The following GLIS3 variants were observed in gnomAD, a reference collection of about 807,000 sequenced individuals.
GLIS3 encodes the protein zinc finger protein GLIS3.
In GLIS3, 53 loss-of-function variants were observed where a neutral mutation model predicts 78.6. That is an observed-to-expected ratio of 0.67 (90% CI 0.54 to 0.85). The LOEUF (loss-of-function observed/expected upper bound fraction) is 0.85. Among genes scored for constraint, GLIS3 ranks in the 40% least tolerant of loss-of-function variants. GLIS3 has a pLI of 0.00. For missense variants in GLIS3, 1,703 were observed against 1,231.1 expected, an observed-to-expected ratio of 1.38 and a Z score of -5.74; for synonymous variants, 684 against 509.9, an observed-to-expected ratio of 1.34 and a Z score of -4.60.
At chr9:4,304,755 T>C (rs1213009339), upstream of GLIS3, among the ~76,000 whole-genome samples, 1 of 152,120 alleles carries the variant, frequency 6.6e-6, no homozygotes, top group African/African-American at 2.4e-5. Context: ...CTTTTCAGAC[T>C]CCTCCCCAAC....
chr9:4,446,563 G>C, the GLIS3 span, among the ~76,000 whole-genome samples: 3 of 142,148 alleles, frequency 2.1e-5, no homozygotes, highest in Non-Finnish European at 3.0e-5. Flanking sequence ...AGGCTTGAGT[G>C]CAGTGGCATG....
chr9:4,078,627 C>T (rs186936135), intron 4 of GLIS3, among the ~76,000 whole-genome samples: 218 of 152,286 alleles, frequency 1.4e-3, no homozygotes, highest in Non-Finnish European at 2.4e-3. Context: ...CAGGGTAAAG[C>T]GGTGGAGAAA....
chr9:3,921,555 G>A (rs1270299599), intron 6 of GLIS3, among the ~76,000 whole-genome samples: 1 of 152,124 alleles, frequency 6.6e-6, no homozygotes, highest in Non-Finnish European at 1.5e-5. Flanking sequence ...CAAAATAGTG[G>A]AATAATGAGT....
chr9:4,373,772 A>G, the GLIS3 span, among the ~76,000 whole-genome samples: 2 of 151,650 alleles, frequency 1.3e-5, no homozygotes. Context: ...GGTTCAAGCA[A>G]TTCTCCTGCC....
At chr9:4,074,115 A>G (rs972899550) in intron 4 of GLIS3, among the ~76,000 whole-genome samples, 5 of 152,154 alleles carry the variant, frequency 3.3e-5, no homozygotes, top group Non-Finnish European at 7.4e-5. Context: ...CCTCATCCCA[A>G]TGCAAGTCAC....
the GLIS3 span, among the ~76,000 whole-genome samples, chr9:4,403,932 C>T: frequency 6.6e-6 from 1 of 151,998 alleles, no homozygotes; most frequent in Non-Finnish European, 1.5e-5. Context: ...CAGAGAGTGA[C>T]TGAATGGATG....
intron 2 of GLIS3, among the ~76,000 whole-genome samples, chr9:4,173,726 A>C (rs1388018654): frequency 3.9e-5 from 6 of 152,128 alleles, no homozygotes; most frequent in African/African-American, 1.4e-4. Flanking sequence ...CCTCCGGAGT[A>C]GCTGGAACTA....
chr9:3,879,625 C>A (rs752593409), intron 7 of GLIS3, 30 bp from the exon 8 acceptor site: 2 of 1,612,656 alleles, frequency 1.2e-6, no homozygotes, highest in Non-Finnish European at 1.7e-6. Context: ...AACATGAGAC[C>A]GTGCCCCAAA....
the GLIS3 span, among the ~76,000 whole-genome samples, chr9:4,488,170 G>C: frequency 6.6e-6 from 1 of 152,074 alleles, no homozygotes; most frequent in Admixed American, 6.6e-5. Flanking sequence ...GTCCAGGCTG[G>C]TCCTAAACTC....
chr9:4,270,739 TCTC>T (rs1451287989), intron 2 of GLIS3, among the ~76,000 whole-genome samples: 3 of 152,206 alleles, frequency 2.0e-5, no homozygotes, highest in Non-Finnish European at 4.4e-5. Flanking sequence ...AGAACATTGG[TCTC>T]CTTCTGCCTT....
At chr9:3,859,929 A>T (rs756386556) in intron 8 of GLIS3, among the ~76,000 whole-genome samples, 6 of 152,138 alleles carry the variant, frequency 3.9e-5, no homozygotes, top group African/African-American at 7.2e-5. Flanking sequence ...GAGCAATGGC[A>T]TGCAAAAGAA....
intron 2 of GLIS3, among the ~76,000 whole-genome samples, chr9:4,251,011 G>A (rs1395953998): frequency 6.6e-6 from 1 of 152,190 alleles, no homozygotes; most frequent in African/African-American, 2.4e-5. Context: ...TTGCTGAGGA[G>A]TGTTTTACTT....
chr9:4,076,371 T>C (rs1275744030), intron 4 of GLIS3, among the ~76,000 whole-genome samples: 1 of 152,210 alleles, frequency 6.6e-6, no homozygotes, highest in Non-Finnish European at 1.5e-5. Flanking sequence ...TGTGATCCTA[T>C]TATACTATGC....
At chr9:4,172,601 G>A (rs1468878852) in intron 2 of GLIS3, among the ~76,000 whole-genome samples, 1 of 152,204 alleles carries the variant, frequency 6.6e-6, no homozygotes, top group Non-Finnish European at 1.5e-5. Context: ...TTTTTGGAAT[G>A]AATGATAAAT....
chr9:4,484,237 T>A, the GLIS3 span, among the ~76,000 whole-genome samples: 1 of 139,546 alleles, frequency 7.2e-6, no homozygotes, highest in Admixed American at 7.0e-5. Flanking sequence ...CTTTTTTTTT[T>A]TATTTTTTTT....
At chr9:4,357,599 G>C in the GLIS3 span, among the ~76,000 whole-genome samples, 1 of 151,550 alleles carries the variant, frequency 6.6e-6, no homozygotes. Flanking sequence ...GCATGTGTAT[G>C]TGTCTTCTAT....
intron 3 of GLIS3, among the ~76,000 whole-genome samples, chr9:4,309,942 G>A (rs893960991): frequency 6.6e-6 from 1 of 152,176 alleles, no homozygotes; most frequent in African/African-American, 2.4e-5. Flanking sequence ...AAATGTCTGT[G>A]CTATATTTTC....
chr9:3,913,811 G>C (rs746882652), intron 6 of GLIS3, among the ~76,000 whole-genome samples: 5 of 152,080 alleles, frequency 3.3e-5, no homozygotes, highest in Non-Finnish European at 5.9e-5. Flanking sequence ...AGACAAAAAG[G>C]GCTTTATAAA....
chr9:4,077,272 T>A (rs577961503), intron 4 of GLIS3, among the ~76,000 whole-genome samples: 1 of 152,292 alleles, frequency 6.6e-6, no homozygotes, highest in East Asian at 1.9e-4. Flanking sequence ...GAAGTGTAAT[T>A]GTTAATACAG....
Sources: allele counts gnomAD v4.1 joint callset (sites outside exome capture counted in the v4.1 genomes callset), GRCh38; gene constraint gnomAD v4.1.1; transcripts MANE v1.5; gene names NCBI Gene and HGNC (gene_info 2026-07-23, HGNC 2026-07-21).